PCDH9: variants seen among roughly 807,000 people sequenced by gnomAD.
PCDH9 encodes the protein protocadherin 9.
In PCDH9, 24 loss-of-function variants were observed where a neutral mutation model predicts 70.6. The observed-to-expected ratio is 0.34, with a 90% CI of 0.25 to 0.48. The LOEUF is 0.48. Among genes scored for constraint, PCDH9 ranks in the 20% least tolerant of loss-of-function variants. The pLI is 0.99. For synonymous variants in PCDH9, 562 were observed against 558.5 expected, an observed-to-expected ratio of 1.01 and a Z score of -0.09; for missense variants, 1,281 against 1,503.6, an observed-to-expected ratio of 0.85 and a Z score of 2.45.
intron 3 of PCDH9, among the ~76,000 whole-genome samples, chr13:66,683,248 T>A (rs915183956): frequency 6.6e-6 from 1 of 152,176 alleles, no homozygotes; most frequent in African/African-American, 2.4e-5. Context: ...ATCTGCCTAG[T>A]ACCAGTTTAG....
chr13:67,151,489 C>A (rs2087659905), intron 2 of PCDH9, among the ~76,000 whole-genome samples: 1 of 151,926 alleles, frequency 6.6e-6, no homozygotes, highest in South Asian at 2.1e-4. Flanking sequence ...GCTCCTACTT[C>A]TTTTATTGTT....
chr13:66,551,284 C>A (rs557832356), intron 4 of PCDH9, among the ~76,000 whole-genome samples: 1 of 152,100 alleles, frequency 6.6e-6, no homozygotes, highest in South Asian at 2.1e-4. Flanking sequence ...TTTATAGGGA[C>A]GGACTTGAAG....
intron 4 of PCDH9, among the ~76,000 whole-genome samples, chr13:66,486,096 A>T (rs930900902): frequency 6.6e-6 from 1 of 152,296 alleles, no homozygotes; most frequent in Middle Eastern, 3.4e-3. Flanking sequence ...ATACAAGTCA[A>T]GTCTAGTTTT....
chr13:66,412,195 A>G (rs978145077), intron 4 of PCDH9, among the ~76,000 whole-genome samples: 1 of 152,202 alleles, frequency 6.6e-6, no homozygotes, highest in Non-Finnish European at 1.5e-5. Context: ...AAGATTTTGA[A>G]GAGTTGTCCA....
At chr13:66,622,080 C>T (rs1480102373) in intron 4 of PCDH9, among the ~76,000 whole-genome samples, 7 of 152,250 alleles carry the variant, frequency 4.6e-5, no homozygotes, top group African/African-American at 1.7e-4. Flanking sequence ...CAATGAGGGG[C>T]TTAGCACCCG....
chr13:66,402,114 C>T (rs1185457864), intron 4 of PCDH9, among the ~76,000 whole-genome samples: 2 of 151,996 alleles, frequency 1.3e-5, no homozygotes, highest in African/African-American at 4.8e-5. Flanking sequence ...ATAAGTTATT[C>T]CCCTTTCTCA....
chr13:67,031,514 C>G (rs1010900471), intron 2 of PCDH9, among the ~76,000 whole-genome samples: 2 of 151,970 alleles, frequency 1.3e-5, no homozygotes, highest in Non-Finnish European at 1.5e-5. Context: ...GAAACCCTGT[C>G]TCTACCAAAA....
chr13:66,448,164 A>G (rs886396503), intron 4 of PCDH9, among the ~76,000 whole-genome samples: 8 of 152,322 alleles, frequency 5.3e-5, no homozygotes, highest in African/African-American at 1.7e-4. Flanking sequence ...AACAGACACA[A>G]ATTCAAGTCC....
intron 2 of PCDH9, among the ~76,000 whole-genome samples, chr13:67,142,844 C>CAAA (rs34886805): frequency 0.031 from 4,108 of 134,214 alleles, 157 homozygotes; most frequent in African/African-American, 0.081. Flanking sequence ...ACTAAAAATA[C>CAAA]AAAAAAAAAA....
intron 4 of PCDH9, among the ~76,000 whole-genome samples, chr13:66,526,565 C>A (rs927431678): frequency 8.6e-5 from 13 of 151,890 alleles, no homozygotes; most frequent in Admixed American, 6.6e-4. Context: ...CATAGCTTCA[C>A]AATTCCCTGT....
intron 2 of PCDH9, among the ~76,000 whole-genome samples, chr13:67,108,154 G>A (rs1398008118): frequency 6.6e-6 from 1 of 152,142 alleles, no homozygotes; most frequent in Non-Finnish European, 1.5e-5. Flanking sequence ...GTGGAATCTG[G>A]GCTGGTAACG....
At chr13:67,002,527 T>G (rs1184945738) in intron 2 of PCDH9, among the ~76,000 whole-genome samples, 1 of 151,544 alleles carries the variant, frequency 6.6e-6, no homozygotes, top group Non-Finnish European at 1.5e-5. Flanking sequence ...TAATCAAGAG[T>G]CTAAGAATTA....
chr13:66,816,938 T>G (rs2080616802), intron 3 of PCDH9, among the ~76,000 whole-genome samples: 1 of 150,982 alleles, frequency 6.6e-6, no homozygotes, highest in South Asian at 2.1e-4. Context: ...TCAGCCCTCC[T>G]TATCCACCAG....
At chr13:66,829,108 C>A (rs61038567) in intron 3 of PCDH9, among the ~76,000 whole-genome samples, 2,961 of 152,138 alleles carry the variant, frequency 0.019, 90 homozygotes, top group African/African-American at 0.067. Context: ...ACCTCCGCCT[C>A]CTGGGTTCAA....
At chr13:66,885,162 T>A (rs2081986585) in intron 3 of PCDH9, among the ~76,000 whole-genome samples, 1 of 152,186 alleles carries the variant, frequency 6.6e-6, no homozygotes, top group Admixed American at 6.6e-5. Flanking sequence ...TACTCTCTGA[T>A]GTTCTGCTCA....
chr13:66,721,397 A>G (rs80325444), intron 3 of PCDH9, among the ~76,000 whole-genome samples: 2,895 of 152,326 alleles, frequency 0.019, 73 homozygotes, highest in African/African-American at 0.057. Context: ...GAAGTCCTGC[A>G]GTAAAGATAT....
At chr13:66,912,412 A>G (rs914864416) in intron 2 of PCDH9, among the ~76,000 whole-genome samples, 2 of 152,124 alleles carry the variant, frequency 1.3e-5, no homozygotes, top group African/African-American at 4.8e-5. Flanking sequence ...ATATGAGCCT[A>G]AAATGGAGAC....
intron 3 of PCDH9, among the ~76,000 whole-genome samples, chr13:66,688,913 A>G (rs2078443219): frequency 6.6e-6 from 1 of 152,118 alleles, no homozygotes; most frequent in Admixed American, 6.6e-5. Flanking sequence ...GTGCTCTTAG[A>G]AACTTACTAA....
In PCDH9 at chr13:66,557,632, T is replaced by A. The variant is rs929845820; in HGVS notation, c.3340+73578A>T. Among the ~76,000 whole-genome samples, 8 of 152,278 alleles carry A rather than the reference T, an allele frequency of 5.3e-5. 1 individual carries two copies. In the South Asian group the frequency reaches 1.7e-3, roughly 32 times the overall value. ...TTACAACAGAACTTTCCTATAAATT[T>A]AGCAAGCGTTTTTAACAGTAAAGGG... On this transcript the variant is annotated intron_variant, in intron 4 of 4. Coordinates refer to ENST00000377865, the MANE Select transcript of PCDH9 (RefSeq NM_203487.3).
Sources: gnomAD v4.1 joint callset for allele counts (sites outside exome capture counted in the v4.1 genomes callset) on GRCh38, gnomAD v4.1.1 for gene constraint, MANE v1.5 for transcripts, NCBI Gene and HGNC (gene_info 2026-07-23, HGNC 2026-07-21) for gene names.